Variants in XYLT1 observed in about 807,000 individuals in gnomAD.
XYLT1 encodes xylosyltransferase 1.
XYLT1 carries 36 observed loss-of-function variants against 91.3 expected under a neutral mutation model. The observed-to-expected ratio is 0.39, with a 90% CI of 0.30 to 0.52. The LOEUF (loss-of-function observed/expected upper bound fraction) is 0.52. XYLT1 is among the 20% of genes least tolerant of loss of function. XYLT1 has a pLI of 0.68. For missense variants in XYLT1, 1,242 were observed against 1,284.5 expected (o/e 0.97, Z 0.51); for synonymous variants, 588 against 532.0 (o/e 1.11, Z -1.45).
At position 17,346,852 on chromosome 16, in the gene XYLT1, C is replaced by G. The variant is rs2035150778; in HGVS notation, c.402+11160G>C. Among the ~76,000 whole-genome samples the G allele has an allele frequency of 3.9e-5, 6 of 152,228 alleles. No homozygotes were observed. In the South Asian group the frequency reaches 1.2e-3, roughly 32 times the overall value. On this transcript the variant is annotated intron_variant, in intron 2 of 11. Coordinates refer to ENST00000261381, the MANE Select transcript of XYLT1 (RefSeq NM_022166.4). ...CATTTCTGTCCTCGACCCCACCCAT[C>G]TGGCACCTGCACCACAGCTAACTTC... is the stretch of plus-strand genomic sequence containing the variant.
At chr16:17,115,800 TAAAAA>T (rs71137969) in intron 11 of XYLT1, among the ~76,000 whole-genome samples, 7,730 of 50,220 alleles carry the variant, frequency 0.15, 542 homozygotes, top group African/African-American at 0.32. Flanking sequence ...TCTGTTATAT[TAAAAA>T]AAAAAAAAAA....
At chr16:17,293,861 C>T (rs575381967) in intron 2 of XYLT1, among the ~76,000 whole-genome samples, 1 of 152,274 alleles carries the variant, frequency 6.6e-6, no homozygotes, top group African/African-American at 2.4e-5. Flanking sequence ...CCAGCAGTTG[C>T]AGGCAAGAAA....
intron 1 of XYLT1, among the ~76,000 whole-genome samples, chr16:17,456,589 C>T (rs909555241): frequency 6.6e-6 from 1 of 152,176 alleles, no homozygotes; most frequent in African/African-American, 2.4e-5. Context: ...GATCTTCCCA[C>T]CTAGGCCTCC....
At chr16:17,239,320 A>ATCCG (rs2033301329) in intron 3 of XYLT1, among the ~76,000 whole-genome samples, 1 of 145,438 alleles carries the variant, frequency 6.9e-6, no homozygotes, top group East Asian at 2.1e-4. Flanking sequence ...CCATTCATCC[A>ATCCG]TCCATCCATC....
intron 1 of XYLT1, among the ~76,000 whole-genome samples, chr16:17,358,520 T>C (rs1301751772): frequency 1.3e-5 from 2 of 152,110 alleles, no homozygotes; most frequent in African/African-American, 2.4e-5. Flanking sequence ...GTGTCCTCCA[T>C]TCTACAGAGA....
chr16:17,382,972 AT>A (rs1567402828), intron 1 of XYLT1, among the ~76,000 whole-genome samples: 1 of 151,720 alleles, frequency 6.6e-6, no homozygotes, highest in Non-Finnish European at 1.5e-5. Context: ...CAGAGGACAA[AT>A]TTCAAACAAC....
At chr16:17,327,119 G>C (rs369227018) in intron 2 of XYLT1, among the ~76,000 whole-genome samples, 1 of 152,162 alleles carries the variant, frequency 6.6e-6, no homozygotes, top group Non-Finnish European at 1.5e-5. Context: ...ATTCATTTGT[G>C]TAATGTCATC....
chr16:17,421,830 C>A (rs181690734), intron 1 of XYLT1, among the ~76,000 whole-genome samples: 28 of 152,188 alleles, frequency 1.8e-4, no homozygotes, highest in African/African-American at 6.7e-4. Context: ...TATGGAATAC[C>A]AGAGAACTGT....
intron 1 of XYLT1, among the ~76,000 whole-genome samples, chr16:17,394,283 G>C (rs2035857284): frequency 6.6e-6 from 1 of 152,174 alleles, no homozygotes; most frequent in African/African-American, 2.4e-5. Flanking sequence ...CGGTACAGGG[G>C]TGGCTCATGT....
intron 2 of XYLT1, among the ~76,000 whole-genome samples, chr16:17,323,349 T>A (rs1021499604): frequency 1.3e-5 from 2 of 152,168 alleles, no homozygotes; most frequent in Non-Finnish European, 2.9e-5. Flanking sequence ...ACAATGCGGT[T>A]TTTGGCATCT....
intron 6 of XYLT1, among the ~76,000 whole-genome samples, chr16:17,149,980 C>T (rs761114606): frequency 1.3e-5 from 2 of 152,172 alleles, no homozygotes; most frequent in Non-Finnish European, 2.9e-5. Flanking sequence ...CTGTCCTATT[C>T]TCTCTTCTGG....
intron 5 of XYLT1, among the ~76,000 whole-genome samples, chr16:17,161,924 A>C (rs2031565140): frequency 6.6e-6 from 1 of 152,164 alleles, no homozygotes; most frequent in African/African-American, 2.4e-5. Flanking sequence ...TGCTGAAATA[A>C]GTAAGAAATA....
intron 3 of XYLT1, among the ~76,000 whole-genome samples, chr16:17,214,686 C>A (rs150170232): frequency 3.3e-5 from 5 of 152,318 alleles, no homozygotes; most frequent in Non-Finnish European, 2.9e-5. Context: ...TTATGAGAAG[C>A]AGCCTCTCCT....
chr16:17,315,954 T>C (rs4782008), intron 2 of XYLT1, among the ~76,000 whole-genome samples: 52,742 of 151,894 alleles, frequency 0.35, 10,173 homozygotes, highest in Admixed American at 0.53. Context: ...AGATGATCTG[T>C]AAAGTCCCTA....
chr16:17,106,882 G>A lies in XYLT1; in HGVS notation c.*1813C>T, dbSNP rs1170555985. ...AAGCCAGTGGAAGATGCGGGTTGGA[G>A]CTTTCTTTGCGTGGTGTTCGATGCC... On this transcript the variant is annotated 3_prime_UTR_variant, in exon 12 of 12. Transcript: ENST00000261381. The A allele has an allele frequency of 6.6e-6, 1 of 152,156 alleles. No homozygotes were observed. Among genetic ancestry groups the A allele is most frequent in the Non-Finnish European group, 1.5e-5 (1 of 68,066 alleles). The allele number at this position is 152,156 out of a possible 1,614,324, so 9.4% of individuals were successfully genotyped here. A position where few individuals can be genotyped will look rare whatever the true frequency, so the allele number is the denominator to read the frequency against.
At chr16:17,276,715 C>T (rs2033982017) in intron 2 of XYLT1, among the ~76,000 whole-genome samples, 1 of 152,242 alleles carries the variant, frequency 6.6e-6, no homozygotes, top group Admixed American at 6.5e-5. Flanking sequence ...TACCAGGACA[C>T]GATGGGCACC....
At chr16:17,386,559 CAT>C (rs1256761311) in intron 1 of XYLT1, among the ~76,000 whole-genome samples, 1 of 152,086 alleles carries the variant, frequency 6.6e-6, no homozygotes, top group African/African-American at 2.4e-5. Context: ...TGAAAAAGCG[CAT>C]ATGTTTTCTT....
intron 2 of XYLT1, among the ~76,000 whole-genome samples, chr16:17,349,967 G>A (rs1420272761): frequency 4.0e-5 from 6 of 151,782 alleles, no homozygotes; most frequent in East Asian, 3.9e-4. Context: ...TCCGCCTCCC[G>A]GGTTCACGTC....
At chr16:17,366,735 T>C (rs748525991) in intron 1 of XYLT1, among the ~76,000 whole-genome samples, 6 of 151,930 alleles carry the variant, frequency 3.9e-5, no homozygotes, top group Non-Finnish European at 7.4e-5. Flanking sequence ...TTACAAGAAC[T>C]CCAGGAGGCA....
Sources: gnomAD v4.1 joint callset for allele counts (sites outside exome capture counted in the v4.1 genomes callset) on GRCh38, gnomAD v4.1.1 for gene constraint, MANE v1.5 for transcripts, NCBI Gene and HGNC (gene_info 2026-07-23, HGNC 2026-07-21) for gene names.